Variants in SUN2 observed in about 807,000 individuals in gnomAD.
SUN2 encodes the protein SUN domain-containing protein 2.
SUN2 carries 60 observed loss-of-function variants against 100.0 expected under a neutral mutation model. The ratio of observed to expected loss-of-function variants is 0.60; its 90% confidence interval spans 0.49 to 0.74. The LOEUF (loss-of-function observed/expected upper bound fraction) is 0.74, where lower values mean the gene tolerates loss of function less well. Among genes scored for constraint, SUN2 ranks in the 30% least tolerant of loss-of-function variants. SUN2 has a pLI of 0.00. For missense variants in SUN2, 834 were observed against 954.6 expected, an observed-to-expected ratio of 0.87 and a Z score of 1.66; for synonymous variants, 367 against 403.3, an observed-to-expected ratio of 0.91 and a Z score of 1.08.
chr22:38,737,917 TGTGTAAAGCCCACCTCCTG>T lies in SUN2; in HGVS notation c.2040+237_2040+255del, dbSNP rs1248539385. ...CCTTTCCTGGCCACCCAACCCCTCT[TGTGTAAAGCCCACCTCCTG>T]GTGTCCTTTTCCAGGAAGCTTCCCT... On this transcript the variant is annotated intron_variant, in intron 17 of 17. Transcript: ENST00000689035. This position sits in a 1 kb window ranked among gnomAD's most constrained non-coding sequence, Gnocchi z 4.1. The T allele has an allele frequency of 4.5e-6, 3 of 664,788 alleles. No homozygotes were observed. The Admixed American group carries it at 6.2e-5, about 14-fold the overall frequency. 41.2% of individuals were successfully genotyped at this position (664,788 alleles called of 1,614,324 possible). A position where few individuals can be genotyped will look rare whatever the true frequency, so the allele number is the denominator to read the frequency against.
At chr22:38,742,274 C>T in intron 9 of SUN2, 27 bp downstream of exon 9, 1 of 1,567,098 alleles carries the variant, frequency 6.4e-7, no homozygotes, top group South Asian at 1.2e-5. Flanking sequence ...TCACCCACCT[C>T]CCACCCTGAG....
rs148173955 is a variant in SUN2 at position 38,751,342 on chromosome 22, G to A, written c.154C>T (p.Arg52Cys). 46 of 1,613,820 alleles carry A rather than the reference G, an allele frequency of 2.9e-5. No homozygotes were observed. The highest frequency in any genetic ancestry group is 1.8e-4 in the East Asian group (8 of 44,894). The change falls in exon 3 of 18, where the codon CGC becomes TGC. Residue 52 changes from arginine to cysteine, a missense_variant. Physicochemically the swap from Arg to Cys is radical, Grantham distance 180. Coordinates refer to ENST00000689035, the MANE Select transcript of SUN2 (RefSeq NM_015374.3). ...CCCAGCTGTGGCGCTGGGGACAGGC[G>A]CTTCATGTTGCTGGATTTCCTCTTC... is the stretch of plus-strand genomic sequence containing the variant. ...TLKRKSSNMK[R>C]LSPAPQLGPS...
intron 9 of SUN2, 135 bp downstream of exon 9, chr22:38,742,161 GAAAAA>G (rs1168879547): frequency 9.4e-7 from 1 of 1,058,524 alleles, no homozygotes; most frequent in African/African-American, 1.6e-5. Flanking sequence ...AAAAAAAAAA[GAAAAA>G]AAGAGAAAGG....
chr22:38,746,326 C>G (rs1405288119), intron 7 of SUN2, among the ~76,000 whole-genome samples: 3 of 152,190 alleles, frequency 2.0e-5, no homozygotes, highest in African/African-American at 7.2e-5. Flanking sequence ...CTAAGAGAGG[C>G]TGCTCGAGGC....
Position 38,740,857 on chromosome 22 carries a change from G to C in SUN2, c.1190+150C>G, listed in dbSNP as rs999196977. 8.3e-6 allele frequency: 7 copies of C among 842,592 alleles called. No individual in the cohort carries two copies. The highest frequency in any genetic ancestry group is 1.3e-5 in the Non-Finnish European group (7 of 526,802). 52.2% of individuals were successfully genotyped at this position (842,592 alleles called of 1,614,324 possible). A position where few individuals can be genotyped will look rare whatever the true frequency, so the allele number is the denominator to read the frequency against. On this transcript the variant is annotated intron_variant, in intron 11 of 17. Transcript: ENST00000689035. The surrounding 1 kb of genome is among the most constrained non-coding windows in gnomAD (Gnocchi z 4.8). ...CCTCAAAGACAGGCCCTGGGCAGGG[G>C]TCCTGAGCTGGGTTTCAACCCCTCC...
chr22:38,755,486 C>A lies in SUN2; in HGVS notation c.-38+277G>T. 1.6e-5 allele frequency: 16 copies of A among 987,474 alleles called. No homozygotes were observed. Among genetic ancestry groups the A allele is most frequent in the Non-Finnish European group, 1.9e-5 (16 of 830,998 alleles). 61.2% of individuals were successfully genotyped at this position (987,474 alleles called of 1,614,324 possible). On this transcript the variant is annotated intron_variant, in intron 1 of 17. Transcript: ENST00000689035. The surrounding 1 kb of genome is among the most constrained non-coding windows in gnomAD (Gnocchi z 5.7). ...CTGCCCGGGGCCGGGTTGGGGCAGT[C>A]GGCCTTTGCCCTCCTCCTCCCGGGA... is the stretch of plus-strand genomic sequence containing the variant.
chr22:38,754,632 C>A (rs376177935), intron 1 of SUN2: 13 of 1,207,542 alleles, frequency 1.1e-5, no homozygotes, highest in Middle Eastern at 2.2e-4. Context: ...CCCGCCCGTA[C>A]GGTCCCTACC....
rs2092847691 is a variant in SUN2 at position 38,740,536 on chromosome 22, G to A, written c.1191-104C>T. 8.6e-6 allele frequency: 11 copies of A among 1,283,622 alleles called. No individual in the cohort carries two copies. Among genetic ancestry groups the A allele is most frequent in the Admixed American group, 6.6e-5 (2 of 30,382 alleles). The allele number at this position is 1,283,622 out of a possible 1,614,324, so 79.5% of individuals were successfully genotyped here. A position where few individuals can be genotyped will look rare whatever the true frequency, so the allele number is the denominator to read the frequency against. On this transcript the variant is annotated intron_variant, in intron 11 of 17. Transcript: ENST00000689035. The surrounding 1 kb of genome is among the most constrained non-coding windows in gnomAD (Gnocchi z 4.8). ...CCTAGTGGGCTCCCGTCAGGAGAGCGGGTGCCCAGCACTCATTGTGAACCT... is the reference window on the plus strand; with the variant it reads ...CCTAGTGGGCTCCCGTCAGGAGAGCAGGTGCCCAGCACTCATTGTGAACCT...
chr22:38,748,177 GT>G (rs1321975788), intron 7 of SUN2, among the ~76,000 whole-genome samples: 1 of 152,192 alleles, frequency 6.6e-6, no homozygotes, highest in Admixed American at 6.5e-5. Flanking sequence ...AGCTGGGCAT[GT>G]TGGCGCATGC....
intron 7 of SUN2, among the ~76,000 whole-genome samples, chr22:38,746,238 G>A (rs1432701631): frequency 2.0e-5 from 3 of 152,144 alleles, no homozygotes; most frequent in Admixed American, 6.5e-5. Flanking sequence ...CCCTGCGTAG[G>A]TGAGTTTGTA....
At chr22:38,745,177 C>T in intron 8 of SUN2, 1 of 471,204 alleles carries the variant, frequency 2.1e-6, no homozygotes, top group Non-Finnish European at 4.4e-6. Context: ...TGGGGCTAGC[C>T]TGCCGGGTGA....
chr22:38,749,061 A>C, intron 6 of SUN2: 1 of 431,970 alleles, frequency 2.3e-6, no homozygotes, highest in Non-Finnish European at 4.2e-6. Flanking sequence ...TTTTATATGG[A>C]CAGGTCCTCT....
rs968800231 is a variant in SUN2, at chr22:38,749,926, C to T, written c.521-67G>A. On this transcript the variant is annotated intron_variant, in intron 5 of 17. Transcript: ENST00000689035. ...TGGGGGCACCGCTCCTTTGTCCCGT[C>T]TGCCGTCCTCCCTGCCCCTACCCCA... is the stretch of plus-strand genomic sequence containing the variant. 2.0e-6 allele frequency: 3 copies of T among 1,480,444 alleles called. No individual in the cohort carries two copies. In the East Asian group the frequency reaches 7.4e-5, roughly 36 times the overall value. The allele number at this position is 1,480,444 out of a possible 1,614,324, so 91.7% of individuals were successfully genotyped here. A position where few individuals can be genotyped will look rare whatever the true frequency, so the allele number is the denominator to read the frequency against.
rs1182718229 is a variant in SUN2 at position 38,751,045 on chromosome 22, G to A, written c.287-10C>T. On this transcript the variant is annotated splice_polypyrimidine_tract_variant and intron_variant, in intron 3 of 17. Transcript: ENST00000689035. ...ACCCGCAGGTCCTCACCTGTGCAGGGAAGAACCAGGGGCTCTTCTGGGCCT... is the reference window on the plus strand; with the variant it reads ...ACCCGCAGGTCCTCACCTGTGCAGGAAAGAACCAGGGGCTCTTCTGGGCCT... 1 of 1,611,960 alleles carries A rather than the reference G, an allele frequency of 6.2e-7. No homozygotes were observed.
chr22:38,737,682 C>G lies in SUN2; in HGVS notation c.2040+491G>C, dbSNP rs1780170566. On this transcript the variant is annotated intron_variant, in intron 17 of 17. Transcript: ENST00000689035. The surrounding 1 kb of genome is among the most constrained non-coding windows in gnomAD (Gnocchi z 4.1). ...GTGGGGCTTAGGCCAATGGTTTGTTCAAATGCAGGCTCCTGGGTCCTGTCA... is the reference window on the plus strand; with the variant it reads ...GTGGGGCTTAGGCCAATGGTTTGTTGAAATGCAGGCTCCTGGGTCCTGTCA... 2.8e-6 allele frequency: 1 copy of G among 354,116 alleles called. No individual in the cohort carries two copies. The highest frequency in any genetic ancestry group is 5.6e-6 in the Non-Finnish European group (1 of 179,524). 21.9% of individuals were successfully genotyped at this position (354,116 alleles called of 1,614,324 possible).
At chr22:38,751,083 G>A (rs2092941846) in intron 3 of SUN2, 48 bp from the exon 4 acceptor site, 6 of 1,609,476 alleles carry the variant, frequency 3.7e-6, no homozygotes, top group Non-Finnish European at 5.1e-6. Context: ...AAGAGCTTCT[G>A]AAAAGTGGGG....
At position 38,739,272 on chromosome 22, in the gene SUN2, TG is replaced by T; in HGVS notation, c.1663+69del. ...TGCTTGCTCTGCCCCACCACCAACC[TG>T]GTAGATGCCAGGGGACCGGCCATTG... is the stretch of plus-strand genomic sequence containing the variant. On this transcript the variant is annotated intron_variant, in intron 14 of 17. Transcript: ENST00000689035. This position sits in a 1 kb window ranked among gnomAD's most constrained non-coding sequence, Gnocchi z 6.7. The T allele has an allele frequency of 6.5e-7, 1 of 1,530,984 alleles. No homozygotes were observed. 94.8% of individuals were successfully genotyped at this position (1,530,984 alleles called of 1,614,324 possible). A position where few individuals can be genotyped will look rare whatever the true frequency, so the allele number is the denominator to read the frequency against.
At chr22:38,754,608 T>TCCCCCCCCCCTGCCC in intron 1 of SUN2, 2 of 448,706 alleles carry the variant, frequency 4.5e-6, no homozygotes, top group Admixed American at 2.7e-5. Context: ...TAATCTCCCC[T>TCCCCCCCCCCTGCCC]CCCCCCTCCC....
chr22:38,734,944 T>G lies in SUN2; in HGVS notation c.*1323A>C, dbSNP rs2092788868. 1.1e-5 allele frequency: 3 copies of G among 281,034 alleles called. No individual in the cohort carries two copies. The highest frequency in any genetic ancestry group is 3.1e-5 in the South Asian group (1 of 32,018). 17.4% of individuals were successfully genotyped at this position (281,034 alleles called of 1,614,324 possible). A position where few individuals can be genotyped will look rare whatever the true frequency, so the allele number is the denominator to read the frequency against. On this transcript the variant is annotated 3_prime_UTR_variant, in exon 18 of 18. Coordinates refer to ENST00000689035, the MANE Select transcript of SUN2 (RefSeq NM_015374.3). ...GTGCTGCAGTGAAGGCCTGCCCGCC[T>G]TCTTGCCCCTTCCCCGCAGCCAGAC...
Sources: gnomAD v4.1 joint callset for allele counts (sites outside exome capture counted in the v4.1 genomes callset) on GRCh38, gnomAD v4.1.1 for gene constraint, Gnocchi (gnomAD v3.1) non-coding constraint, MANE v1.5 for transcripts, NCBI Gene and HGNC (gene_info 2026-07-23, HGNC 2026-07-21) for gene names.